DNAH10: variants seen among roughly 807,000 people sequenced by gnomAD.
DNAH10 encodes the protein axonemal beta dynein heavy chain 10.
In DNAH10, 348 loss-of-function variants were observed where a neutral mutation model predicts 506.6. That is an observed-to-expected ratio of 0.69 (90% CI 0.63 to 0.75). The LOEUF (loss-of-function observed/expected upper bound fraction) is 0.75, where lower values mean the gene tolerates loss of function less well. Among genes scored for constraint, DNAH10 ranks in the 30% least tolerant of loss-of-function variants. DNAH10 has a pLI of 0.00. For synonymous variants in DNAH10, 2,059 were observed against 2,198.6 expected, an observed-to-expected ratio of 0.94 and a Z score of 1.78; for missense variants, 5,179 against 5,787.1, an observed-to-expected ratio of 0.89 and a Z score of 3.41.
At position 123,926,513 on chromosome 12, in the gene DNAH10, G is replaced by A; in HGVS notation, c.11922-124G>A. On this transcript the variant is annotated intron_variant, in intron 68 of 78. Transcript: ENST00000673944. The surrounding 1 kb of genome is among the most constrained non-coding windows in gnomAD (Gnocchi z 4.1). ...TCTAAAACAGGGAAGACTGCAACGAGCTATCCCAGAGGAGTGGTCAGAAGG... is the reference window on the plus strand; with the variant it reads ...TCTAAAACAGGGAAGACTGCAACGAACTATCCCAGAGGAGTGGTCAGAAGG... The A allele has an allele frequency of 2.0e-6, 2 of 1,010,110 alleles. No homozygotes were observed. The highest frequency in any genetic ancestry group is 2.8e-6 in the Non-Finnish European group (2 of 703,228). 62.6% of individuals were successfully genotyped at this position (1,010,110 alleles called of 1,614,324 possible).
chr12:123,894,440 T>G (rs1473129718), intron 53 of DNAH10, among the ~76,000 whole-genome samples: 1 of 152,116 alleles, frequency 6.6e-6, no homozygotes, highest in East Asian at 1.9e-4. Flanking sequence ...GTATTTTTAG[T>G]AGAGATGGAG....
rs928342179 is a variant in DNAH10, at chr12:123,878,020, AC to A, written c.8372+115del. The A allele has an allele frequency of 8.3e-6, 11 of 1,329,802 alleles. No homozygotes were observed. In the African/African-American group the frequency reaches 1.6e-4, roughly 20 times the overall value. 82.4% of individuals were successfully genotyped at this position (1,329,802 alleles called of 1,614,324 possible). The stretch of plus-strand genomic sequence containing the variant: ...TGATGAATCGTTGTATGAATTAATT[AC>A]CCAATGTCTTTGCTTATGTTGAAGA... On this transcript the variant is annotated intron_variant, in intron 48 of 78. Transcript: ENST00000673944.
rs1952415670 is a variant in DNAH10 at position 123,879,679 on chromosome 12, G to A, written c.8512G>A (p.Asp2838Asn). The A allele has an allele frequency of 6.2e-7, 1 of 1,613,876 alleles. No homozygotes were observed. Among genetic ancestry groups the A allele is most frequent in the Admixed American group, 1.7e-5 (1 of 60,002 alleles). The part of the protein sequence containing the change: ...GSLVVEHFKD[D>N]VEVVMRDPIL... ...CTTGGTTGTGGAACATTTTAAAGAT[G>A]ACGTGGAGGTGGTGATGAGGGATCC... The change falls in exon 50 of 79, where the codon GAC becomes AAC. Residue 2838 changes from aspartate to asparagine, a missense_variant. By Grantham distance (23) the Asp-to-Asn change is conservative (BLOSUM62 1). This residue lies in a region of DNAH10 where 4,844 missense variants were observed against 5,430.5 expected (regional missense o/e 0.89). Transcript: ENST00000673944.
At chr12:123,879,466 G>A in intron 49 of DNAH10, 109 bp downstream of exon 49, 1 of 1,454,328 alleles carries the variant, frequency 6.9e-7, no homozygotes, top group African/African-American at 1.4e-5. Context: ...AGGCACGAAA[G>A]GTCAATGGGG....
At chr12:123,799,105 C>CAAAAAA in intron 13 of DNAH10, 141 bp from the exon 14 acceptor site, 2 of 283,708 alleles carry the variant, frequency 7.0e-6, no homozygotes, top group Non-Finnish European at 8.8e-6. Context: ...ACTCCGTCTC[C>CAAAAAA]AAAAAAAAAA....
chr12:123,838,121 G>T (rs1961368705), intron 28 of DNAH10, among the ~76,000 whole-genome samples: 1 of 152,136 alleles, frequency 6.6e-6, no homozygotes, highest in South Asian at 2.1e-4. Flanking sequence ...GTGTTGAATG[G>T]GCGCCTACTG....
intron 54 of DNAH10, among the ~76,000 whole-genome samples, chr12:123,896,146 CACAGAGAGAGAGAG>C (rs1210005873): frequency 1.9e-4 from 19 of 102,474 alleles, no homozygotes; most frequent in African/African-American, 9.7e-4. Flanking sequence ...CACACACACA[CACAGAGAGAGAGAG>C]AGAGAGAGAG....
intron 5 of DNAH10, among the ~76,000 whole-genome samples, chr12:123,777,924 A>G (rs565574832): frequency 6.6e-6 from 1 of 152,232 alleles, no homozygotes; most frequent in South Asian, 2.1e-4. Context: ...CGGCCTCCCA[A>G]AATGTTGGGA....
In DNAH10 at chr12:123,909,652, C is replaced by T. The variant is rs945075103; in HGVS notation, c.9997+210C>T. Among the ~76,000 whole-genome samples the T allele has an allele frequency of 4.7e-4, 71 of 152,326 alleles. No individual in the cohort carries two copies. Among genetic ancestry groups the T allele is most frequent in the Middle Eastern group, 3.4e-3 (1 of 294 alleles). ...AGGGAGAGTGGCTGGGGATGCGCGG[C>T]GGCAGCCGTGCCCACTGAGGGTTCG... On this transcript the variant is annotated intron_variant, in intron 58 of 78. Transcript: ENST00000673944. The surrounding 1 kb of genome is among the most constrained non-coding windows in gnomAD (Gnocchi z 5.4).
At position 123,787,956 on chromosome 12, in the gene DNAH10, C is replaced by G. The variant is rs1957926228; in HGVS notation, c.1574C>G (p.Thr525Arg). ...EFDRKRLFER[T>R]DYMATICQDL... The stretch of plus-strand genomic sequence containing the variant: ...GACCGGAAGCGGCTGTTCGAGAGGA[C>G]GGATTATATGGCCACCATCTGCCAG... Residue 525 changes from threonine (T) to arginine (R), a missense_variant, in exon 10 of 79, where the codon ACG (threonine) becomes AGG (arginine). This residue lies in a region of DNAH10 where 4,844 missense variants were observed against 5,430.5 expected (regional missense o/e 0.89). Transcript: ENST00000673944. The surrounding 1 kb of genome is among the most constrained non-coding windows in gnomAD (Gnocchi z 4.6). 6.3e-7 allele frequency: 1 copy of G among 1,592,948 alleles called. No individual in the cohort carries two copies. The highest frequency in any genetic ancestry group is 1.3e-5 in the African/African-American group (1 of 74,868).
Position 123,925,865 on chromosome 12 carries a change from G to A in DNAH10, c.11921+661G>A, listed in dbSNP as rs1158006638. The A allele has an allele frequency of 6.6e-6, 1 of 152,200 alleles. No homozygotes were observed. Among genetic ancestry groups the A allele is most frequent in the Non-Finnish European group, 1.5e-5 (1 of 68,054 alleles). The allele number at this position is 152,200 out of a possible 1,614,324, so 9.4% of individuals were successfully genotyped here. A position where few individuals can be genotyped will look rare whatever the true frequency, so the allele number is the denominator to read the frequency against. On this transcript the variant is annotated intron_variant, in intron 68 of 78. Coordinates refer to ENST00000673944, the MANE Select transcript of DNAH10 (RefSeq NM_001372106.1). This position sits in a 1 kb window ranked among gnomAD's most constrained non-coding sequence, Gnocchi z 4.0. Reference sequence around the variant, plus strand: ...GTGGCTGGATCCTCTGACTCTGAAAGAAGCTAGGACTTCAGATTTTTTCCT... The same window carrying A: ...GTGGCTGGATCCTCTGACTCTGAAAAAAGCTAGGACTTCAGATTTTTTCCT...
chr12:123,899,048 A>G (rs959151949), intron 56 of DNAH10, among the ~76,000 whole-genome samples: 2 of 152,130 alleles, frequency 1.3e-5, no homozygotes, highest in East Asian at 3.9e-4. Flanking sequence ...AGAAGCTACC[A>G]TATGTAGGCC....
chr12:123,872,718 G>C (rs1423776813), intron 45 of DNAH10, among the ~76,000 whole-genome samples: 1 of 151,796 alleles, frequency 6.6e-6, no homozygotes, highest in Non-Finnish European at 1.5e-5. Context: ...GACTGAGGAA[G>C]AAGGGTCACT....
chr12:123,829,704 A>T (rs4930733), intron 25 of DNAH10, among the ~76,000 whole-genome samples: 46,879 of 150,424 alleles, frequency 0.31, 8,450 homozygotes, highest in Non-Finnish European at 0.42. Context: ...GACCATTTCC[A>T]TGGCCGTGTG....
chr12:123,887,252 C>T lies in DNAH10; in HGVS notation c.8934C>T (p.Phe2978=), dbSNP rs1952776420. 8.7e-6 allele frequency: 14 copies of T among 1,614,000 alleles called. No individual in the cohort carries two copies. Among genetic ancestry groups the T allele is most frequent in the Non-Finnish European group, 1.2e-5 (14 of 1,179,890 alleles). ...AGAACAAAGCGATGATCTTTCTGTT[C>T]ACGGATGCCCATGTGGCTGAGGAGG... The part of the protein sequence containing the change: ...GIENKAMIFL[F]TDAHVAEEGF... The change falls in exon 52 of 79, where the codon TTC becomes TTT. Residue 2978 remains phenylalanine, a synonymous_variant. Transcript: ENST00000673944.
At chr12:123,912,689 G>C (rs190706256) in intron 59 of DNAH10, among the ~76,000 whole-genome samples, 11 of 152,322 alleles carry the variant, frequency 7.2e-5, no homozygotes, top group African/African-American at 2.4e-4. Context: ...AAAATACAAA[G>C]AGAATAAGGT....
At chr12:123,769,194 G>A (rs911705555) in intron 2 of DNAH10, among the ~76,000 whole-genome samples, 1 of 152,080 alleles carries the variant, frequency 6.6e-6, no homozygotes, top group Non-Finnish European at 1.5e-5. Flanking sequence ...CACCCAGGCT[G>A]GAGTGCAATG....
At chr12:123,817,907 A>C in intron 21 of DNAH10, among the ~76,000 whole-genome samples, 1 of 151,286 alleles carries the variant, frequency 6.6e-6, no homozygotes, top group Admixed American at 6.6e-5. Context: ...GCTTTAGTTT[A>C]TGAAGGGCTT....
chr12:123,860,497 C>T (rs1344010082), intron 38 of DNAH10, among the ~76,000 whole-genome samples: 1 of 152,102 alleles, frequency 6.6e-6, no homozygotes, highest in African/African-American at 2.4e-5. Flanking sequence ...ATGAATTAAT[C>T]CTATAGTTAG....
Sources: gnomAD v4.1 joint callset for allele counts (sites outside exome capture counted in the v4.1 genomes callset) on GRCh38, gnomAD v4.1.1 for gene constraint, gnomAD v4.1.1 regional missense constraint, Gnocchi (gnomAD v3.1) non-coding constraint, MANE v1.5 for transcripts, NCBI Gene and HGNC (gene_info 2026-07-23, HGNC 2026-07-21) for gene names.